The following PCLO variants were observed in gnomAD, a reference collection of about 807,000 sequenced individuals.
The protein encoded by PCLO is protein piccolo.
Under a neutral mutation model 427.5 loss-of-function variants are expected in PCLO, and 82 were observed. The ratio of observed to expected loss-of-function variants is 0.19; its 90% CI spans 0.16 to 0.23. The LOEUF (loss-of-function observed/expected upper bound fraction) is 0.23, where lower values mean the gene tolerates loss of function less well. Among genes scored for constraint, PCLO ranks in the 10% least tolerant of loss-of-function variants. PCLO has a pLI of 1.00. For missense variants in PCLO, 6,239 were observed against 6,115.9 expected, an observed-to-expected ratio of 1.02 and a Z score of -0.67; for synonymous variants, 2,357 against 2,155.4, an observed-to-expected ratio of 1.09 and a Z score of -2.59.
At chr7:82,958,974 G>T (rs1562885228) in intron 4 of PCLO, among the ~76,000 whole-genome samples, 1 of 152,080 alleles carries the variant, frequency 6.6e-6, no homozygotes, top group African/African-American at 2.4e-5. Flanking sequence ...CATCATGATG[G>T]GGGTGGGGTA....
At chr7:82,934,079 A>T (rs1198334518) in intron 6 of PCLO, among the ~76,000 whole-genome samples, 1 of 151,950 alleles carries the variant, frequency 6.6e-6, no homozygotes, top group Non-Finnish European at 1.5e-5. Flanking sequence ...TGTAATATTA[A>T]AATATAACTT....
intron 6 of PCLO, among the ~76,000 whole-genome samples, chr7:82,936,650 T>C (rs191418347): frequency 2.0e-5 from 3 of 151,788 alleles, no homozygotes; most frequent in Admixed American, 1.3e-4. Flanking sequence ...TACTATAACA[T>C]CCAGCAGTTA....
intron 3 of PCLO, among the ~76,000 whole-genome samples, chr7:83,023,175 A>G (rs929363075): frequency 6.6e-6 from 1 of 152,204 alleles, no homozygotes; most frequent in African/African-American, 2.4e-5. Flanking sequence ...TTAAAAAGCT[A>G]AGAGTATATG....
intron 21 of PCLO, among the ~76,000 whole-genome samples, chr7:82,804,433 C>A (rs1483117514): frequency 1.3e-5 from 2 of 152,040 alleles, no homozygotes; most frequent in African/African-American, 4.8e-5. Context: ...ATAAACTGAA[C>A]CATTATCAAA....
chr7:82,998,463 G>C (rs773243773), intron 3 of PCLO, among the ~76,000 whole-genome samples: 2 of 151,712 alleles, frequency 1.3e-5, no homozygotes, highest in Non-Finnish European at 2.9e-5. Context: ...GAACTGCTGG[G>C]GTTTCACTAC....
chr7:82,915,030 T>A lies in PCLO; in HGVS notation c.12956A>T (p.Gln4319Leu). The A allele has an allele frequency of 6.2e-7, 1 of 1,613,214 alleles. No homozygotes were observed. Among genetic ancestry groups the A allele is most frequent in the East Asian group, 2.2e-5 (1 of 44,754 alleles). The change falls in exon 7 of 25, where the codon CAA becomes CTA. Residue 4319 changes from glutamine to leucine, a missense_variant. Around this residue, in one of 5 missense-constraint regions of PCLO, gnomAD observed 680 missense variants for 677.3 expected, o/e 1.00. Transcript: ENST00000333891. ...SSSSSLRLKA[Q>L]EAEALDVSFS... ...GGAAACATCTAGAGCTTCAGCCTCT[T>A]GAGCTTTCAGTCTTAGGGAAGAGCT... is the stretch of plus-strand genomic sequence containing the variant.
Position 82,845,462 on chromosome 7 carries a change from C to T in PCLO, c.13855G>A (p.Val4619Ile), listed in dbSNP as rs375000836. Residue 4619 changes from valine (V) to isoleucine (I), a missense_variant, in exon 13 of 25, where the codon GTT (valine) becomes ATT (isoleucine). Around this residue, in one of 5 missense-constraint regions of PCLO, gnomAD observed 877 missense variants for 925.5 expected, o/e 0.95. Transcript: ENST00000333891. Reference sequence around the variant, plus strand: ...TCTGCTGCCAACTGCTTAGGATCAACCCCTGGGGATTTCGCCTTATCCACT... The same window carrying T: ...TCTGCTGCCAACTGCTTAGGATCAATCCCTGGGGATTTCGCCTTATCCACT... ...KAVDKAKSPG[V>I]DPKQLAAELQ... The T allele has an allele frequency of 1.1e-5, 18 of 1,612,472 alleles. No homozygotes were observed. The highest frequency in any genetic ancestry group is 1.5e-5 in the Non-Finnish European group (18 of 1,179,044).
At chr7:83,050,208 GAAAAAAAAAAAAA>G (rs556193471) in intron 3 of PCLO, among the ~76,000 whole-genome samples, 2 of 5,456 alleles carry the variant, frequency 3.7e-4, no homozygotes, top group African/African-American at 1.0e-3. Flanking sequence ...CTGAAAAACT[GAAAAAAAAAAAAA>G]AAAAAAAAAA....
chr7:83,029,714 A>T (rs1316220840), intron 3 of PCLO, among the ~76,000 whole-genome samples: 1 of 119,494 alleles, frequency 8.4e-6, no homozygotes, highest in African/African-American at 3.3e-5. Flanking sequence ...ACCAACCCAA[A>T]TGTCCAACAA....
intron 22 of PCLO, among the ~76,000 whole-genome samples, chr7:82,765,220 A>T (rs1790509056): frequency 6.6e-6 from 1 of 151,926 alleles, no homozygotes; most frequent in Non-Finnish European, 1.5e-5. Flanking sequence ...ATCACATGAA[A>T]ATAAATAGCT....
At position 83,135,581 on chromosome 7, in the gene PCLO, G is replaced by T. The variant is rs768606625; in HGVS notation, c.1969C>A (p.Pro657Thr). ...GGDLAPVPSS[P>T]QPKLKTAPVT... ...GGTGCAGTCTTCAGTTTGGGCTGGG[G>T]TGATGACGGAACTGGAGCCAGATCC... The change falls in exon 3 of 25, where the codon CCC (proline) becomes ACC (threonine). Residue 657 changes from proline (P) to threonine (T), a missense_variant. Coordinates refer to ENST00000333891, the MANE Select transcript of PCLO (RefSeq NM_033026.6). 2 of 1,613,286 alleles carry T rather than the reference G, an allele frequency of 1.2e-6. No homozygotes were observed. The highest frequency in any genetic ancestry group is 1.7e-6 in the Non-Finnish European group (2 of 1,179,722).
intron 2 of PCLO, among the ~76,000 whole-genome samples, chr7:83,151,404 G>A (rs1168930034): frequency 6.6e-6 from 1 of 151,824 alleles, no homozygotes; most frequent in Non-Finnish European, 1.5e-5. Flanking sequence ...AGCACTTCAT[G>A]TATCTAAAAT....
rs186152218 is a variant in PCLO at position 83,021,039 on chromosome 7, T to C, written c.3301-54552A>G. Among the ~76,000 whole-genome samples, 7 of 152,300 alleles carry C rather than the reference T, an allele frequency of 4.6e-5. No homozygotes were observed. In the East Asian group the frequency reaches 1.4e-3, roughly 29 times the overall value. On this transcript the variant is annotated intron_variant, in intron 3 of 24. Coordinates refer to ENST00000333891, the MANE Select transcript of PCLO (RefSeq NM_033026.6). ...GCCTGCACACCAATGAAACTACTGATATCAGCTGTTCTGAAGAAACCCAGA... is the reference window on the plus strand; with the variant it reads ...GCCTGCACACCAATGAAACTACTGACATCAGCTGTTCTGAAGAAACCCAGA...
intron 9 of PCLO, among the ~76,000 whole-genome samples, chr7:82,893,984 G>A (rs958542591): frequency 1.3e-5 from 2 of 151,572 alleles, no homozygotes; most frequent in African/African-American, 4.8e-5. Context: ...CATTATCTGT[G>A]TTTTATTTTA....
chr7:82,845,313 T>C lies in PCLO; in HGVS notation c.14004A>G (p.Pro4668=). ...GSSSVPSPGQ[P]GSPSVSKKKH... The stretch of plus-strand genomic sequence containing the variant: ...TCTTTTTGCTCACTGAGGGGGACCC[T>C]GGTTGCCCAGGGCTGGGAACGGAAC... Residue 4668 remains proline (P), a synonymous_variant, in exon 13 of 25, where the codon CCA becomes CCG. Coordinates refer to ENST00000333891, the MANE Select transcript of PCLO (RefSeq NM_033026.6). 1 of 1,613,544 alleles carries C rather than the reference T, an allele frequency of 6.2e-7. No individual in the cohort carries two copies. The highest frequency in any genetic ancestry group is 8.5e-7 in the Non-Finnish European group (1 of 1,179,662).
chr7:82,865,781 C>CAT (rs903193589), intron 10 of PCLO, among the ~76,000 whole-genome samples: 18 of 152,142 alleles, frequency 1.2e-4, no homozygotes, highest in African/African-American at 4.1e-4. Context: ...ATCTATTATA[C>CAT]ATATATATAA....
At chr7:83,019,599 C>T (rs545845318) in intron 3 of PCLO, among the ~76,000 whole-genome samples, 46 of 152,006 alleles carry the variant, frequency 3.0e-4, no homozygotes, top group African/African-American at 1.1e-3. Flanking sequence ...CAGAGGCACT[C>T]TCAGCTAAAT....
intron 4 of PCLO, among the ~76,000 whole-genome samples, chr7:82,965,322 T>C (rs1486369453): frequency 1.3e-5 from 2 of 150,652 alleles, no homozygotes; most frequent in Non-Finnish European, 1.5e-5. Context: ...CTTTCTTTTT[T>C]TTTTTTTTTG....
At chr7:82,889,665 T>C (rs1419434076) in intron 9 of PCLO, among the ~76,000 whole-genome samples, 1 of 152,118 alleles carries the variant, frequency 6.6e-6, no homozygotes, top group Non-Finnish European at 1.5e-5. Flanking sequence ...AAGGCAGCAT[T>C]TTTTTCATTG....
Sources: allele counts gnomAD v4.1 joint callset (sites outside exome capture counted in the v4.1 genomes callset), GRCh38; gene constraint gnomAD v4.1.1; regional missense constraint gnomAD v4.1.1; transcripts MANE v1.5; gene names NCBI Gene and HGNC (gene_info 2026-07-23, HGNC 2026-07-21).